The following FER variants were observed in gnomAD, a reference collection of about 807,000 sequenced individuals.
FER encodes FER tyrosine kinase.
Under a neutral mutation model 111.0 loss-of-function variants are expected in FER, and 63 were observed. That is an observed-to-expected ratio of 0.57 (90% CI 0.46 to 0.70). FER has a LOEUF of 0.70. Among genes scored for constraint, FER ranks in the 30% least tolerant of loss-of-function variants. The probability of loss-of-function intolerance (pLI) is 0.00; values close to 1 mark genes in which losing one functional copy is unlikely to be tolerated. For synonymous variants in FER, 327 were observed against 313.9 expected (o/e 1.04, Z -0.44); for missense variants, 914 against 954.0 (o/e 0.96, Z 0.55).
rs1453267423 is a variant in FER, at chr5:109,094,204, A to G, written c.1925-6192A>G. Among the ~76,000 whole-genome samples the G allele has an allele frequency of 3.3e-5, 5 of 151,942 alleles. No homozygotes were observed. The East Asian group carries it at 9.7e-4, about 29-fold the overall frequency. On this transcript the variant is annotated intron_variant, in intron 16 of 19. Transcript: ENST00000281092. ...TTTTTTTTGAGAATTAAGAAATAAC[A>G]GTACTATTGAACTCTGGTGCTACAA...
chr5:108,991,414 C>G (rs1164236052), intron 13 of FER, among the ~76,000 whole-genome samples: 2 of 151,994 alleles, frequency 1.3e-5, no homozygotes, highest in African/African-American at 4.8e-5. Context: ...AAATTTTTAA[C>G]ACTCAAATTA....
intron 13 of FER, among the ~76,000 whole-genome samples, chr5:109,009,886 G>C (rs529116911): frequency 6.6e-6 from 1 of 152,110 alleles, no homozygotes; most frequent in Non-Finnish European, 1.5e-5. Context: ...GTTAAACACG[G>C]GTAGTGTTTT....
intron 17 of FER, among the ~76,000 whole-genome samples, chr5:109,155,656 C>G (rs1755288080): frequency 6.6e-6 from 1 of 151,918 alleles, no homozygotes; most frequent in South Asian, 2.1e-4. Context: ...TGATTTTTCA[C>G]AAGAGTGAAA....
intron 17 of FER, among the ~76,000 whole-genome samples, chr5:109,156,009 A>T (rs1036281208): frequency 2.6e-5 from 4 of 152,094 alleles, no homozygotes; most frequent in Non-Finnish European, 5.9e-5. Context: ...TAAAAAAGTA[A>T]GAATAGAAAA....
chr5:108,759,753 C>T (rs758515363), intron 1 of FER, among the ~76,000 whole-genome samples: 1 of 152,118 alleles, frequency 6.6e-6, no homozygotes, highest in Non-Finnish European at 1.5e-5. Flanking sequence ...TCTTTTTGTA[C>T]CAGCATTAAT....
chr5:108,883,356 T>G, intron 8 of FER, 40 bp from the exon 9 acceptor site: 4 of 1,549,280 alleles, frequency 2.6e-6, no homozygotes, highest in Non-Finnish European at 1.7e-6. Flanking sequence ...AAAGTGAAAA[T>G]TAATTTGTTG....
At chr5:108,854,014 T>C (rs13359423) in intron 5 of FER, among the ~76,000 whole-genome samples, 33,569 of 152,100 alleles carry the variant, frequency 0.22, 3,901 homozygotes, top group African/African-American at 0.28. Flanking sequence ...TGCTGAGAAG[T>C]GCTCAAATTC....
At chr5:108,789,491 C>A (rs181176963) in intron 2 of FER, among the ~76,000 whole-genome samples, 193 of 151,706 alleles carry the variant, frequency 1.3e-3, no homozygotes, top group African/African-American at 4.4e-3. Flanking sequence ...CTTGCCATTT[C>A]TAAGAAATTT....
intron 10 of FER, among the ~76,000 whole-genome samples, chr5:108,933,176 T>C (rs2149588480): frequency 6.6e-6 from 1 of 152,342 alleles, no homozygotes; most frequent in Admixed American, 6.5e-5. Context: ...CCCATGCCTA[T>C]GTCCTGAATG....
At chr5:109,174,430 T>C (rs778100978) in intron 17 of FER, among the ~76,000 whole-genome samples, 9 of 152,198 alleles carry the variant, frequency 5.9e-5, no homozygotes, top group Admixed American at 1.3e-4. Context: ...GTTTTTGTTT[T>C]TGTTTTTTAA....
At chr5:109,077,579 T>G (rs976655096) in intron 16 of FER, among the ~76,000 whole-genome samples, 3 of 152,182 alleles carry the variant, frequency 2.0e-5, no homozygotes, top group Non-Finnish European at 4.4e-5. Flanking sequence ...ATGGTCCATT[T>G]GCATTGCAGG....
At chr5:109,081,912 C>G (rs1203972588) in intron 16 of FER, among the ~76,000 whole-genome samples, 1 of 151,942 alleles carries the variant, frequency 6.6e-6, no homozygotes, top group Admixed American at 6.6e-5. Context: ...GAAGAATGCT[C>G]CATTCTTAAC....
rs74625187 is a variant in FER at position 108,961,950 on chromosome 5, T to A, written c.1656+2603T>A. The stretch of plus-strand genomic sequence containing the variant: ...TAGACTTCATTTTTAGCCTAAAGAA[T>A]TCCACTTTAGTTCATTGTAATTTCT... On this transcript the variant is annotated intron_variant, in intron 13 of 19. Transcript: ENST00000281092. Among the ~76,000 whole-genome samples the A allele has an allele frequency of 5.3e-3, 804 of 152,334 alleles. 6 individuals are homozygous for A. The highest frequency in any genetic ancestry group is 0.014 in the South Asian group (69 of 4,830).
intron 5 of FER, among the ~76,000 whole-genome samples, chr5:108,862,456 G>A (rs1763621589): frequency 6.6e-6 from 1 of 152,074 alleles, no homozygotes; most frequent in South Asian, 2.1e-4. Context: ...GGTTTAAATG[G>A]TTTAAATGTC....
intron 17 of FER, among the ~76,000 whole-genome samples, chr5:109,169,458 A>C (rs1756884137): frequency 6.6e-6 from 1 of 152,278 alleles, no homozygotes; most frequent in East Asian, 1.9e-4. Context: ...AGGGAAATTT[A>C]TTATAAAGTC....
At chr5:108,884,314 C>T (rs1438369353) in intron 9 of FER, among the ~76,000 whole-genome samples, 1 of 151,968 alleles carries the variant, frequency 6.6e-6, no homozygotes, top group Non-Finnish European at 1.5e-5. Flanking sequence ...CCACTTATTT[C>T]AGATCTCTGA....
intron 17 of FER, among the ~76,000 whole-genome samples, chr5:109,119,221 T>C (rs1042455085): frequency 7.9e-5 from 12 of 152,208 alleles, no homozygotes; most frequent in Non-Finnish European, 1.3e-4. Context: ...TTTGTTCTCA[T>C]TGGTTTCAAA....
intron 3 of FER, among the ~76,000 whole-genome samples, chr5:108,806,745 A>G (rs765397197): frequency 1.3e-5 from 2 of 152,150 alleles, no homozygotes; most frequent in African/African-American, 4.8e-5. Flanking sequence ...GAATGGCTGT[A>G]TTTACCTAAT....
chr5:108,953,203 G>A (rs1469948681), intron 11 of FER, among the ~76,000 whole-genome samples: 1 of 151,704 alleles, frequency 6.6e-6, no homozygotes, highest in East Asian at 1.9e-4. Flanking sequence ...TGTAGATTAT[G>A]CGTTTGTTTT....
Sources: gnomAD v4.1 joint callset for allele counts (sites outside exome capture counted in the v4.1 genomes callset) on GRCh38, gnomAD v4.1.1 for gene constraint, MANE v1.5 for transcripts, NCBI Gene and HGNC (gene_info 2026-07-23, HGNC 2026-07-21) for gene names.